CARMIL1: variants seen among roughly 807,000 people sequenced by gnomAD.
The protein encoded by CARMIL1 is F-actin-uncapping protein LRRC16A.
A neutral mutation model predicts 177.1 loss-of-function variants in CARMIL1; 90 were observed. The observed-to-expected ratio is 0.51, with a 90% CI of 0.43 to 0.61. The LOEUF is 0.61. Ranked by LOEUF, CARMIL1 falls within the 20% of genes least tolerant of loss-of-function variation. CARMIL1 has a pLI of 0.00. For missense variants in CARMIL1, 1,380 were observed against 1,667.0 expected (o/e 0.83, Z 3.00); for synonymous variants, 577 against 606.2 (o/e 0.95, Z 0.71).
intron 2 of CARMIL1, among the ~76,000 whole-genome samples, chr6:25,297,140 C>T (rs759480379): frequency 1.3e-4 from 20 of 152,294 alleles, no homozygotes; most frequent in Admixed American, 4.6e-4. Flanking sequence ...TATTCTTTGC[C>T]AGCATCCTTG....
intron 6 of CARMIL1, 41 bp downstream of exon 6, chr6:25,450,036 G>T: frequency 6.7e-7 from 1 of 1,484,578 alleles, no homozygotes; most frequent in South Asian, 1.2e-5. Flanking sequence ...ATAGCTGGAT[G>T]GATATCCCCC....
At chr6:25,594,615 C>A in intron 32 of CARMIL1, 88 bp downstream of exon 32, 3 of 746,176 alleles carry the variant, frequency 4.0e-6, no homozygotes, top group Non-Finnish European at 6.6e-6. Flanking sequence ...TACTAAGTTT[C>A]ATTTTATATA....
At chr6:25,573,390 T>C (rs556933082) in intron 29 of CARMIL1, among the ~76,000 whole-genome samples, 2 of 148,328 alleles carry the variant, frequency 1.3e-5, no homozygotes, top group Admixed American at 6.7e-5. Flanking sequence ...AAGAATTCTC[T>C]CTGCCTACAC....
At position 25,577,362 on chromosome 6, in the gene CARMIL1, C is replaced by T. The variant is rs552189534; in HGVS notation, c.2743-3562C>T. Among the ~76,000 whole-genome samples, 274 of 152,070 alleles carry T rather than the reference C, an allele frequency of 1.8e-3. 1 individual carries two copies. Among genetic ancestry groups the T allele is most frequent in the African/African-American group, 5.6e-3 (234 of 41,486 alleles). ...CTGATTCTTGTCATATTACTTGTTT[C>T]GGGCCCAGGGTTGTAGAAAATCGAC... On this transcript the variant is annotated intron_variant, in intron 29 of 36. Transcript: ENST00000329474. This position sits in a 1 kb window ranked among gnomAD's most constrained non-coding sequence, Gnocchi z 4.5.
At chr6:25,296,930 TA>T (rs1561948848) in intron 2 of CARMIL1, among the ~76,000 whole-genome samples, 126 of 43,408 alleles carry the variant, frequency 2.9e-3, no homozygotes, top group East Asian at 0.016. Context: ...TCTATCTATC[TA>T]TCTTTAACTA....
intron 2 of CARMIL1, among the ~76,000 whole-genome samples, chr6:25,337,632 G>A (rs1052715855): frequency 6.6e-6 from 1 of 152,240 alleles, no homozygotes; most frequent in African/African-American, 2.4e-5. Context: ...AAACACAAGT[G>A]TGAAGGGCGA....
chr6:25,440,642 C>G (rs1797659357), intron 5 of CARMIL1, among the ~76,000 whole-genome samples: 1 of 152,112 alleles, frequency 6.6e-6, no homozygotes, highest in African/African-American at 2.4e-5. Flanking sequence ...CTCCTACATT[C>G]CCAGTATGCC....
At chr6:25,479,927 C>T (rs1206578442) in intron 11 of CARMIL1, among the ~76,000 whole-genome samples, 1 of 152,042 alleles carries the variant, frequency 6.6e-6, no homozygotes, top group African/African-American at 2.4e-5. Context: ...AAATATATTG[C>T]TTAAGTTATA....
chr6:25,539,550 G>A (rs1233174921), intron 25 of CARMIL1, among the ~76,000 whole-genome samples: 1 of 147,776 alleles, frequency 6.8e-6, no homozygotes, highest in Non-Finnish European at 1.5e-5. Flanking sequence ...GCTTGAACCC[G>A]GGAGGCGGAG....
intron 2 of CARMIL1, among the ~76,000 whole-genome samples, chr6:25,350,410 T>C (rs1307741853): frequency 6.6e-6 from 1 of 152,058 alleles, no homozygotes; most frequent in Admixed American, 6.5e-5. Context: ...TTTTGATAAA[T>C]CAGATGACCT....
At chr6:25,339,178 C>T (rs1786633730) in intron 2 of CARMIL1, among the ~76,000 whole-genome samples, 1 of 152,156 alleles carries the variant, frequency 6.6e-6, no homozygotes, top group Non-Finnish European at 1.5e-5. Flanking sequence ...CTCATACACA[C>T]CCACTATCTC....
At position 25,581,150 on chromosome 6, in the gene CARMIL1, G is replaced by C. The variant is rs993009082; in HGVS notation, c.2810-93G>C. Reference sequence around the variant, plus strand: ...AATGTGTGTTTGCTATTCTATGCTAGACTTAAAATTACTTTTAGGAATTTT... The same window carrying C: ...AATGTGTGTTTGCTATTCTATGCTACACTTAAAATTACTTTTAGGAATTTT... On this transcript the variant is annotated intron_variant, in intron 30 of 36. Coordinates refer to ENST00000329474, the MANE Select transcript of CARMIL1 (RefSeq NM_017640.6). 7 of 1,340,306 alleles carry C rather than the reference G, an allele frequency of 5.2e-6. No individual in the cohort carries two copies. In the East Asian group the frequency reaches 1.7e-4, roughly 33 times the overall value. The allele number at this position is 1,340,306 out of a possible 1,614,324, so 83.0% of individuals were successfully genotyped here. A position where few individuals can be genotyped will look rare whatever the true frequency, so the allele number is the denominator to read the frequency against.
At chr6:25,369,782 A>G (rs1453728543) in intron 2 of CARMIL1, among the ~76,000 whole-genome samples, 1 of 152,160 alleles carries the variant, frequency 6.6e-6, no homozygotes, top group Non-Finnish European at 1.5e-5. Context: ...CTTGACTTGG[A>G]AACTTTTGTG....
chr6:25,451,952 T>A, intron 8 of CARMIL1: 1 of 617,714 alleles, frequency 1.6e-6, no homozygotes, highest in East Asian at 2.9e-5. Flanking sequence ...AGAGGATTGT[T>A]GTTGCCCATA....
intron 2 of CARMIL1, chr6:25,393,664 A>G (rs1192679682): frequency 6.6e-6 from 1 of 151,494 alleles, no homozygotes. Context: ...ACTTGAAGCC[A>G]GGAGTTTGAG....
At position 25,452,931 on chromosome 6, in the gene CARMIL1, T is replaced by C. The variant is rs116756128; in HGVS notation, c.614+2220T>C. ...AAGTTGCAATGTAGAATCAGAACCA[T>C]ATCAATGAACTTTTTTGTATTTTGT... is the stretch of plus-strand genomic sequence containing the variant. On this transcript the variant is annotated intron_variant, in intron 8 of 36. Transcript: ENST00000329474. Among the ~76,000 whole-genome samples, 813 of 152,318 alleles carry C rather than the reference T, an allele frequency of 5.3e-3. 7 individuals are homozygous for C. The highest frequency in any genetic ancestry group is 0.017 in the African/African-American group (720 of 41,574).
Position 25,581,274 on chromosome 6 carries a change from A to G in CARMIL1, c.2841A>G (p.Glu947=). The G allele has an allele frequency of 1.2e-6, 2 of 1,613,922 alleles. No homozygotes were observed. Among genetic ancestry groups the G allele is most frequent in the Non-Finnish European group, 1.7e-6 (2 of 1,179,874 alleles). ...EMEFDLDKAL[E]EVPIHIEDPP... ...AGTTTGATCTAGATAAAGCGCTGGA[A>G]GAGGTACCAATTCACATCGAAGACC... Residue 947 remains glutamate, a synonymous_variant, in exon 31 of 37, where the codon GAA becomes GAG. Coordinates refer to ENST00000329474, the MANE Select transcript of CARMIL1 (RefSeq NM_017640.6).
intron 2 of CARMIL1, among the ~76,000 whole-genome samples, chr6:25,387,884 G>A (rs542830954): frequency 5.3e-5 from 8 of 152,266 alleles, no homozygotes; most frequent in African/African-American, 1.9e-4. Flanking sequence ...TTCCGAGTGG[G>A]TAATGATTTC....
intron 2 of CARMIL1, among the ~76,000 whole-genome samples, chr6:25,349,466 C>T (rs1323186006): frequency 1.3e-5 from 2 of 152,206 alleles, no homozygotes; most frequent in Admixed American, 1.3e-4. Flanking sequence ...GGGAGACATT[C>T]TGATCCAGGG....
Sources: allele counts gnomAD v4.1 joint callset (sites outside exome capture counted in the v4.1 genomes callset), GRCh38; gene constraint gnomAD v4.1.1; non-coding constraint Gnocchi (gnomAD v3.1); transcripts MANE v1.5; gene names NCBI Gene and HGNC (gene_info 2026-07-23, HGNC 2026-07-21).